The following BICRAL variants were observed in gnomAD, a reference collection of about 807,000 sequenced individuals.
BICRAL encodes BRD4-interacting chromatin-remodeling complex-associated protein-like.
Under a neutral mutation model 91.8 loss-of-function variants are expected in BICRAL, and 8 were observed. That is an observed-to-expected ratio of 0.09 (90% confidence interval 0.05 to 0.16). BICRAL has a LOEUF of 0.16. Ranked by LOEUF, BICRAL falls within the 10% of genes least tolerant of loss-of-function variation. The pLI, the probability that BICRAL is intolerant of heterozygous loss-of-function variation, is 1.00. For missense variants in BICRAL, 1,038 were observed against 1,310.9 expected (o/e 0.79, Z 3.21); for synonymous variants, 445 against 491.1 (o/e 0.91, Z 1.24).
intron 1 of BICRAL, among the ~76,000 whole-genome samples, chr6:42,785,285 C>CA (rs1435038001): frequency 2.6e-5 from 4 of 152,096 alleles, no homozygotes; most frequent in African/African-American, 9.7e-5. Context: ...TGAGGCCTGG[C>CA]ACGGTGGCTC....
At chr6:42,834,838 C>A (rs1423850972) in intron 6 of BICRAL, among the ~76,000 whole-genome samples, 1 of 152,070 alleles carries the variant, frequency 6.6e-6, no homozygotes, top group Non-Finnish European at 1.5e-5. Context: ...CTGCTCCTGC[C>A]CTACCATCAA....
intron 1 of BICRAL, among the ~76,000 whole-genome samples, chr6:42,793,122 ATTTTTTTTTTTTTTTTTTTTTTT>A (rs1159342197): frequency 2.6e-3 from 98 of 37,254 alleles, no homozygotes; most frequent in African/African-American, 9.8e-3. Context: ...TGCCCAGCTA[ATTTTTTTTTTTTTTTTTTTTTTT>A]TTTTTTTTTT....
At position 42,776,539 on chromosome 6, in the gene BICRAL, G is replaced by A. The variant is rs60531905; in HGVS notation, c.-260-5300G>A. 9.1e-3 allele frequency among the ~76,000 whole-genome samples: 1,378 copies of A among 151,162 alleles called. 20 individuals are homozygous for A. Among genetic ancestry groups the A allele is most frequent in the African/African-American group, 0.032 (1,303 of 41,166 alleles). ...ATTTTTGTATTTTTTGTAGAAATGG[G>A]ATCTGACCATGTTGCCCAGGCTGGT... is the stretch of plus-strand genomic sequence containing the variant. On this transcript the variant is annotated intron_variant, in intron 1 of 14. Transcript: ENST00000614467.
At chr6:42,843,401 T>A (rs1764870994) in intron 6 of BICRAL, among the ~76,000 whole-genome samples, 1 of 152,026 alleles carries the variant, frequency 6.6e-6, no homozygotes, top group South Asian at 2.1e-4. Flanking sequence ...GAGTAGGGTG[T>A]TAGGTGGGAA....
intron 1 of BICRAL, among the ~76,000 whole-genome samples, chr6:42,771,884 A>G (rs975503242): frequency 5.9e-5 from 9 of 152,050 alleles, no homozygotes; most frequent in Admixed American, 5.9e-4. Flanking sequence ...CAATTAAAGT[A>G]TTTATTCTCC....
chr6:42,801,244 C>G (rs915390555), intron 1 of BICRAL, among the ~76,000 whole-genome samples: 2 of 121,700 alleles, frequency 1.6e-5, no homozygotes, highest in Non-Finnish European at 3.3e-5. Context: ...GAGCGAGACT[C>G]TGTTTAAAAA....
upstream of BICRAL, among the ~76,000 whole-genome samples, chr6:42,777,732 T>C (rs1030885749): frequency 3.9e-5 from 6 of 152,214 alleles, no homozygotes; most frequent in Non-Finnish European, 5.9e-5. Flanking sequence ...GGCCTGTTTA[T>C]TTGGAGGTCC....
rs191829567 is a variant in BICRAL, at chr6:42,788,749, G to A, written c.-102+6648G>A. 1.6e-3 allele frequency among the ~76,000 whole-genome samples: 239 copies of A among 152,302 alleles called. 1 individual carries two copies. The highest frequency in any genetic ancestry group is 5.4e-3 in the African/African-American group (226 of 41,570). On this transcript the variant is annotated intron_variant, in intron 1 of 12. Coordinates refer to ENST00000314073, the MANE Select transcript of BICRAL (RefSeq NM_001393499.1). ...GGTAGTGGATAATTTCAGGAAAGAT[G>A]GACACTTCACCTTGAGCAACAGGAC...
In BICRAL at chr6:42,829,446, G is replaced by A. The variant is rs768908030; in HGVS notation, c.1113G>A (p.Lys371=). The change falls in exon 6 of 13, where the codon AAG becomes AAA. Residue 371 remains lysine (K), a synonymous_variant. Transcript: ENST00000314073. The stretch of plus-strand genomic sequence containing the variant: ...TTGTAAACCAACAGAACACAAGAAA[G>A]CCAGTCACCTCACAGGCAGTGAGCA... The part of the protein sequence containing the change: ...VNIVNQQNTR[K]PVTSQAVSST... 1.2e-6 allele frequency: 2 copies of A among 1,614,050 alleles called. No homozygotes were observed. Among genetic ancestry groups the A allele is most frequent in the African/African-American group, 2.7e-5 (2 of 74,924 alleles).
At chr6:42,804,684 AG>A (rs1763661034) in intron 1 of BICRAL, among the ~76,000 whole-genome samples, 1 of 152,136 alleles carries the variant, frequency 6.6e-6, no homozygotes, top group Non-Finnish European at 1.5e-5. Context: ...TACAGGGACA[AG>A]TGGGGTGGGT....
chr6:42,845,899 TA>T (rs1380822193), intron 6 of BICRAL, among the ~76,000 whole-genome samples: 1 of 117,472 alleles, frequency 8.5e-6, no homozygotes, highest in African/African-American at 4.0e-5. Context: ...CCGTCTCTAC[TA>T]AAAATACAAA....
intron 1 of BICRAL, among the ~76,000 whole-genome samples, chr6:42,801,639 T>C (rs1763573357): frequency 6.6e-6 from 1 of 152,106 alleles, no homozygotes; most frequent in South Asian, 2.1e-4. Context: ...CCCAGCACTT[T>C]GGGAAGCAGA....
chr6:42,841,075 T>TAAAAA (rs758007416), intron 6 of BICRAL, among the ~76,000 whole-genome samples: 5 of 85,282 alleles, frequency 5.9e-5, no homozygotes, highest in African/African-American at 2.4e-4. Flanking sequence ...ACTCAATCTT[T>TAAAAA]AAAAAAAAAA....
In BICRAL at chr6:42,864,167, C is replaced by CAAA. The variant is rs113036268; in HGVS notation, c.2453-479_2453-477dup. 6.7e-3 allele frequency among the ~76,000 whole-genome samples: 833 copies of CAAA among 124,982 alleles called. 3 individuals carry two copies. Among genetic ancestry groups the CAAA allele is most frequent in the Admixed American group, 9.6e-3 (118 of 12,228 alleles). 82.0% of individuals were successfully genotyped at this position (124,982 alleles called of 152,430 possible). ...GGGCAACAAGAGCAAAACTCCGTCTCAAAAAAAAAAAAAAATACCACAATT... is the reference window on the plus strand; with the variant it reads ...GGGCAACAAGAGCAAAACTCCGTCTCAAAAAAAAAAAAAAAAAATACCACAATT... On this transcript the variant is annotated intron_variant, in intron 12 of 12. Transcript: ENST00000314073.
intron 5 of BICRAL, among the ~76,000 whole-genome samples, chr6:42,824,566 ACTC>A (rs1764234373): frequency 6.6e-6 from 1 of 150,894 alleles, no homozygotes; most frequent in Admixed American, 6.6e-5. Flanking sequence ...ATGATCTTGA[ACTC>A]CTGATCTCAA....
At chr6:42,753,798 G>A (rs1052667742) in intron 1 of BICRAL, among the ~76,000 whole-genome samples, 4 of 152,060 alleles carry the variant, frequency 2.6e-5, no homozygotes, top group African/African-American at 9.7e-5. Flanking sequence ...TTTTAGTAGA[G>A]ATGGGGTTTC....
At chr6:42,774,449 G>T (rs1040061959) in intron 1 of BICRAL, among the ~76,000 whole-genome samples, 1 of 152,130 alleles carries the variant, frequency 6.6e-6, no homozygotes, top group Non-Finnish European at 1.5e-5. Context: ...GTAACTCATC[G>T]CATTTTCACC....
At chr6:42,835,576 C>G (rs1764614485) in intron 6 of BICRAL, among the ~76,000 whole-genome samples, 1 of 151,838 alleles carries the variant, frequency 6.6e-6, no homozygotes, top group South Asian at 2.1e-4. Flanking sequence ...ATTAATTAGA[C>G]TTTACTATTG....
chr6:42,755,435 A>C (rs776837641), intron 1 of BICRAL, among the ~76,000 whole-genome samples: 1 of 152,162 alleles, frequency 6.6e-6, no homozygotes, highest in Non-Finnish European at 1.5e-5. Flanking sequence ...ACTCTTTAGA[A>C]GTGAACACCA....
Sources: gnomAD v4.1 joint callset for allele counts (sites outside exome capture counted in the v4.1 genomes callset) on GRCh38, gnomAD v4.1.1 for gene constraint, MANE v1.5 for transcripts, NCBI Gene and HGNC (gene_info 2026-07-23, HGNC 2026-07-21) for gene names.